ZMYND8: variants seen among roughly 807,000 people sequenced by gnomAD.
ZMYND8 encodes the protein zinc finger MYND-type containing 8, also known as MYND-type zinc finger-containing chromatin reader ZMYND8.
In ZMYND8, 37 loss-of-function variants were observed where a neutral mutation model predicts 140.8. That is an observed-to-expected ratio of 0.26 (90% confidence interval 0.20 to 0.35). The LOEUF (loss-of-function observed/expected upper bound fraction) is 0.35, where lower values mean the gene tolerates loss of function less well. Among genes scored for constraint, ZMYND8 ranks in the 10% least tolerant of loss-of-function variants. The pLI, the probability that ZMYND8 is intolerant of heterozygous loss-of-function variation, is 1.00. For missense variants in ZMYND8, 1,068 were observed against 1,570.0 expected, an observed-to-expected ratio of 0.68 and a Z score of 5.40; for synonymous variants, 592 against 597.1, an observed-to-expected ratio of 0.99 and a Z score of 0.12.
intron 11 of ZMYND8, among the ~76,000 whole-genome samples, chr20:47,269,061 T>C (rs1354220129): frequency 6.6e-6 from 1 of 152,032 alleles, no homozygotes; most frequent in East Asian, 1.9e-4. Context: ...CAGCCAGGTG[T>C]GTTGGCACAT....
intron 8 of ZMYND8, among the ~76,000 whole-genome samples, chr20:47,285,041 A>C (rs11086202): frequency 0.26 from 39,088 of 152,082 alleles, 5,484 homozygotes; most frequent in Non-Finnish European, 0.32. Flanking sequence ...GTATCATTCT[A>C]AGAATTCTGT....
Position 47,224,417 on chromosome 20 carries a change from C to T in ZMYND8, c.3156G>A (p.Lys1052=), listed in dbSNP as rs2037405353. Residue 1052 remains lysine, a synonymous_variant, in exon 19 of 23, where the codon AAG becomes AAA. Coordinates refer to ENST00000471951, the MANE Select transcript of ZMYND8 (RefSeq NM_001281775.3). ...AACAGCAGTAAAAGATGGCCTCCTT[C>T]TTGCAGTTGGCGCACCACTGCTTCT... ...TKKKQWCANC[K]KEAIFYCCWN... is the part of the protein sequence containing the mutation. The T allele has an allele frequency of 6.2e-7, 1 of 1,614,150 alleles. No homozygotes were observed. Among genetic ancestry groups the T allele is most frequent in the Non-Finnish European group, 8.5e-7 (1 of 1,180,056 alleles).
chr20:47,303,258 A>G (rs571252043), intron 3 of ZMYND8, among the ~76,000 whole-genome samples: 67 of 152,310 alleles, frequency 4.4e-4, no homozygotes, highest in Non-Finnish European at 6.0e-4. Context: ...ATACCAAGCA[A>G]GCAGAACTAT....
intron 14 of ZMYND8, among the ~76,000 whole-genome samples, chr20:47,240,752 C>A (rs2039863437): frequency 6.6e-6 from 1 of 151,186 alleles, no homozygotes; most frequent in Non-Finnish European, 1.5e-5. Context: ...GACGGGGTTT[C>A]GCCATCTTGC....
At chr20:47,349,937 T>A in intron 1 of ZMYND8, 1 of 1,535,326 alleles carries the variant, frequency 6.5e-7, no homozygotes, top group Non-Finnish European at 8.7e-7. Context: ...AGGGAACCAT[T>A]ATTTGGCTTG....
At chr20:47,355,217 C>G (rs753021140) in intron 1 of ZMYND8, among the ~76,000 whole-genome samples, 3 of 152,204 alleles carry the variant, frequency 2.0e-5, no homozygotes, top group Non-Finnish European at 2.9e-5. Context: ...CATTTCTCCC[C>G]TGACTCAGGG....
rs1021757716 is a variant in ZMYND8 at position 47,236,524 on chromosome 20, G to A, written c.2666-8C>T. 13 of 1,551,424 alleles carry A rather than the reference G, an allele frequency of 8.4e-6. No individual in the cohort carries two copies. In the African/African-American group the frequency reaches 1.1e-4, roughly 13 times the overall value. On this transcript the variant is annotated splice_region_variant and splice_polypyrimidine_tract_variant and intron_variant, in intron 15 of 22. Coordinates refer to ENST00000471951, the MANE Select transcript of ZMYND8 (RefSeq NM_001281775.3). ...TCTCCTTCTGCTGGACAGCTAGGAA[G>A]GCAAAGCATCCTGATTACCCCACGT...
intron 16 of ZMYND8, among the ~76,000 whole-genome samples, chr20:47,236,079 G>A (rs2039194427): frequency 6.6e-6 from 1 of 152,200 alleles, no homozygotes. Context: ...TTCTGATTAT[G>A]TCATTTGCAC....
chr20:47,294,569 G>A (rs1259847018), intron 5 of ZMYND8, 97 bp downstream of exon 5: 33 of 1,142,904 alleles, frequency 2.9e-5, no homozygotes, highest in Non-Finnish European at 2.6e-5. Flanking sequence ...GAGGCCCAAA[G>A]AATACATCAG....
chr20:47,225,096 G>A (rs1205386659), intron 18 of ZMYND8, among the ~76,000 whole-genome samples: 4 of 148,180 alleles, frequency 2.7e-5, no homozygotes, highest in Non-Finnish European at 4.4e-5. Flanking sequence ...GACCTCAGGC[G>A]TGCTTTCTTG....
chr20:47,226,025 C>T (rs950188818), intron 18 of ZMYND8, among the ~76,000 whole-genome samples: 1 of 151,690 alleles, frequency 6.6e-6, no homozygotes, highest in African/African-American at 2.4e-5. Flanking sequence ...GTGGTGCATG[C>T]CTGTAATCCC....
At chr20:47,285,598 T>C (rs2076872873) in intron 8 of ZMYND8, 1 of 836,744 alleles carries the variant, frequency 1.2e-6, no homozygotes, top group Non-Finnish European at 1.4e-6. Context: ...CATAGCCTCA[T>C]TGTAACTGGA....
At chr20:47,235,896 T>C (rs1169373473) in intron 16 of ZMYND8, among the ~76,000 whole-genome samples, 1 of 152,112 alleles carries the variant, frequency 6.6e-6, no homozygotes, top group Non-Finnish European at 1.5e-5. Context: ...TCTTGATTCC[T>C]GGAAAAATCA....
chr20:47,323,874 C>T (rs1315514528), intron 2 of ZMYND8, among the ~76,000 whole-genome samples: 1 of 152,098 alleles, frequency 6.6e-6, no homozygotes, highest in Non-Finnish European at 1.5e-5. Context: ...CTCTGAGCCT[C>T]AGAGTCCTAG....
intron 3 of ZMYND8, among the ~76,000 whole-genome samples, chr20:47,308,213 C>T (rs1024936337): frequency 4.2e-5 from 6 of 142,100 alleles, no homozygotes; most frequent in East Asian, 2.0e-4. Context: ...CCATCTTGGA[C>T]GTGAGGTTTT....
intron 11 of ZMYND8, among the ~76,000 whole-genome samples, chr20:47,275,084 C>T (rs1319672731): frequency 6.6e-6 from 1 of 152,160 alleles, no homozygotes; most frequent in African/African-American, 2.4e-5. Context: ...AGCTGGTACT[C>T]CAACCTGCTT....
intron 14 of ZMYND8, 47 bp downstream of exon 14, chr20:47,245,961 G>T (rs181476406): frequency 1.3e-6 from 2 of 1,535,562 alleles, no homozygotes; most frequent in African/African-American, 1.4e-5. Context: ...TACGAGGTAG[G>T]ATTCTAAACC....
chr20:47,304,399 G>C (rs2078317937), intron 3 of ZMYND8, among the ~76,000 whole-genome samples: 2 of 152,256 alleles, frequency 1.3e-5, no homozygotes, highest in South Asian at 4.1e-4. Context: ...TTTGGCCACT[G>C]TAGGGCAAAA....
rs572956496 is a variant in ZMYND8 at position 47,230,713 on chromosome 20, T to C, written c.2857-907A>G. 2.2e-4 allele frequency among the ~76,000 whole-genome samples: 34 copies of C among 152,348 alleles called. No individual in the cohort carries two copies. The South Asian group carries it at 7.0e-3, about 32-fold the overall frequency. ...ATGCATATACTATACCATTCATTCA[T>C]TTAAAGTATACAATTCAATGGCTTT... On this transcript the variant is annotated intron_variant, in intron 16 of 22. Transcript: ENST00000471951.
Sources: gnomAD v4.1 joint callset for allele counts (sites outside exome capture counted in the v4.1 genomes callset) on GRCh38, gnomAD v4.1.1 for gene constraint, MANE v1.5 for transcripts, NCBI Gene and HGNC (gene_info 2026-07-23, HGNC 2026-07-21) for gene names.